MTBP: variants seen among roughly 807,000 people sequenced by gnomAD.
MTBP encodes MDM2 binding protein.
MTBP carries 101 observed loss-of-function variants against 117.0 expected under a neutral mutation model. That is an observed-to-expected ratio of 0.86 (90% CI 0.73 to 1.02). The LOEUF is 1.02. MTBP is among the 50% of genes least tolerant of loss of function. MTBP has a pLI of 0.00. For synonymous variants in MTBP, 350 were observed against 351.5 expected, an observed-to-expected ratio of 1.00 and a Z score of 0.05; for missense variants, 970 against 1,030.9, an observed-to-expected ratio of 0.94 and a Z score of 0.81.
intron 14 of MTBP, among the ~76,000 whole-genome samples, chr8:120,500,833 G>A (rs1814567578): frequency 6.6e-6 from 1 of 151,920 alleles, no homozygotes; most frequent in South Asian, 2.1e-4. Context: ...AAGGTGGATG[G>A]ATCACTTGAG....
chr8:120,480,701 A>T (rs1156762068), intron 11 of MTBP, among the ~76,000 whole-genome samples: 1 of 152,118 alleles, frequency 6.6e-6, no homozygotes, highest in Non-Finnish European at 1.5e-5. Context: ...ATATATTTAT[A>T]TATGTATTTA....
rs531601677 is a variant in MTBP, at chr8:120,453,071, T to A, written c.426-776T>A. ...TTTGAAGAATCTGAAGAGGGCGTCA[T>A]ATTCTTTAGTCAAGACTGTTAAATA... On this transcript the variant is annotated intron_variant, in intron 4 of 21. Coordinates refer to ENST00000305949, the MANE Select transcript of MTBP (RefSeq NM_022045.5). Among the ~76,000 whole-genome samples, 6 of 152,306 alleles carry A rather than the reference T, an allele frequency of 3.9e-5. No homozygotes were observed. The East Asian group carries it at 1.2e-3, about 29-fold the overall frequency.
Position 120,506,735 on chromosome 8 carries a change from A to G in MTBP, c.1757A>G (p.Gln586Arg), listed in dbSNP as rs757901172. 1 of 1,612,060 alleles carries G rather than the reference A, an allele frequency of 6.2e-7. No homozygotes were observed. The highest frequency in any genetic ancestry group is 1.1e-5 in the South Asian group (1 of 90,668). The change falls in exon 16 of 22, where the codon CAG (glutamine) becomes CGG (arginine). Residue 586 changes from glutamine to arginine, a missense_variant. Coordinates refer to ENST00000305949, the MANE Select transcript of MTBP (RefSeq NM_022045.5). ...RTGSLPHSSE[Q>R]LLGHKEGPRD... ...GGTTCATTACCTCATTCATCTGAAC[A>G]GTTGCTGGGCCACAAAGAGGGTCCT...
chr8:120,499,335 G>C (rs1171611033), intron 14 of MTBP, among the ~76,000 whole-genome samples: 1 of 152,016 alleles, frequency 6.6e-6, no homozygotes, highest in Non-Finnish European at 1.5e-5. Flanking sequence ...TTCTCAAAGA[G>C]GCTTTCCCAG....
intron 2 of MTBP, among the ~76,000 whole-genome samples, chr8:120,450,202 A>T (rs1813309888): frequency 1.3e-5 from 2 of 152,160 alleles, no homozygotes; most frequent in Non-Finnish European, 2.9e-5. Flanking sequence ...TTAGAAGGAC[A>T]GTGCTTCTTA....
At chr8:120,485,419 T>A (rs1814192451) in intron 11 of MTBP, among the ~76,000 whole-genome samples, 1 of 152,198 alleles carries the variant, frequency 6.6e-6, no homozygotes, top group South Asian at 2.1e-4. Flanking sequence ...GGACTAATGA[T>A]TTTACTCCTT....
At chr8:120,488,735 A>G (rs1169563079) in intron 12 of MTBP, among the ~76,000 whole-genome samples, 3 of 152,120 alleles carry the variant, frequency 2.0e-5, no homozygotes, top group Non-Finnish European at 4.4e-5. Context: ...GCTGCATGAC[A>G]AACTACCCCA....
chr8:120,474,507 A>G (rs1201310657), intron 11 of MTBP, among the ~76,000 whole-genome samples: 1 of 152,008 alleles, frequency 6.6e-6, no homozygotes, highest in South Asian at 2.1e-4. Context: ...CTCTCAGATC[A>G]TTCTCCTACA....
chr8:120,468,143 AT>A (rs1813738364), intron 10 of MTBP, among the ~76,000 whole-genome samples: 2 of 152,148 alleles, frequency 1.3e-5, no homozygotes, highest in South Asian at 4.1e-4. Flanking sequence ...ATTATTTTCT[AT>A]TGCTAAATAT....
At chr8:120,462,801 A>G (rs1310842968) in intron 9 of MTBP, among the ~76,000 whole-genome samples, 2 of 152,142 alleles carry the variant, frequency 1.3e-5, no homozygotes, top group Admixed American at 1.3e-4. Flanking sequence ...TTGAGTGGGC[A>G]TGGCTCTTGG....
At chr8:120,449,106 T>C (rs932915639) in intron 2 of MTBP, among the ~76,000 whole-genome samples, 3 of 152,046 alleles carry the variant, frequency 2.0e-5, no homozygotes, top group Non-Finnish European at 4.4e-5. Flanking sequence ...GGGGATTCTG[T>C]AGAAGACCAA....
intron 16 of MTBP, 147 bp from the exon 17 acceptor site, chr8:120,509,787 A>G: frequency 1.9e-6 from 1 of 529,492 alleles, no homozygotes; most frequent in Non-Finnish European, 3.4e-6. Context: ...TTTCCTTATT[A>G]TACTTTCTGG....
intron 11 of MTBP, among the ~76,000 whole-genome samples, chr8:120,481,978 A>G (rs550023854): frequency 3.3e-5 from 5 of 152,264 alleles, no homozygotes; most frequent in East Asian, 3.9e-4. Context: ...AGGTCCTTCA[A>G]TCTAAATGCA....
At chr8:120,479,554 A>G (rs1814027156) in intron 11 of MTBP, among the ~76,000 whole-genome samples, 1 of 152,190 alleles carries the variant, frequency 6.6e-6, no homozygotes, top group Admixed American at 6.5e-5. Context: ...TCAAGCACAT[A>G]TGAAACATGC....
At chr8:120,457,260 G>A (rs1057181550) in intron 7 of MTBP, among the ~76,000 whole-genome samples, 9 of 151,966 alleles carry the variant, frequency 5.9e-5, no homozygotes, top group African/African-American at 1.7e-4. Flanking sequence ...TCATTTTGAC[G>A]TCTCTTACTA....
chr8:120,453,750 G>A (rs1338738252), intron 4 of MTBP, 97 bp from the exon 5 acceptor site: 2 of 514,154 alleles, frequency 3.9e-6, no homozygotes, highest in Non-Finnish European at 6.8e-6. Flanking sequence ...GTTTAACAGT[G>A]TCTGTACAAC....
At chr8:120,500,964 G>A (rs1325250522) in intron 14 of MTBP, among the ~76,000 whole-genome samples, 1 of 151,930 alleles carries the variant, frequency 6.6e-6, no homozygotes, top group Non-Finnish European at 1.5e-5. Context: ...GGCCGAGGTG[G>A]GTGGATCACG....
At chr8:120,510,833 T>G (rs547160757) in intron 17 of MTBP, among the ~76,000 whole-genome samples, 27 of 152,034 alleles carry the variant, frequency 1.8e-4, no homozygotes, top group African/African-American at 6.5e-4. Context: ...TCGATTGATA[T>G]TGGGAGATTG....
chr8:120,445,718 T>C (rs930219423), intron 1 of MTBP, 130 bp downstream of exon 1: 15 of 691,668 alleles, frequency 2.2e-5, no homozygotes, highest in Admixed American at 1.3e-4. Context: ...CTATCTGGGA[T>C]AGAGTTAATG....
Sources: allele counts gnomAD v4.1 joint callset (sites outside exome capture counted in the v4.1 genomes callset), GRCh38; gene constraint gnomAD v4.1.1; transcripts MANE v1.5; gene names NCBI Gene and HGNC (gene_info 2026-07-23, HGNC 2026-07-21).